The following KCNMA1 variants were observed in gnomAD, a reference collection of about 807,000 sequenced individuals.
The protein encoded by KCNMA1 is Calcium-activated potassium channel subunit alpha-1.
A neutral mutation model predicts 140.0 loss-of-function variants in KCNMA1; 29 were observed. The ratio of observed to expected loss-of-function variants is 0.21; its 90% CI spans 0.15 to 0.28. The LOEUF (loss-of-function observed/expected upper bound fraction) is 0.28, where lower values mean the gene tolerates loss of function less well. KCNMA1 is among the 10% of genes least tolerant of loss of function. KCNMA1 has a pLI of 1.00. For missense variants in KCNMA1, 880 were observed against 1,602.2 expected (o/e 0.55, Z 7.70); for synonymous variants, 612 against 611.9 (o/e 1.00, Z 0.00).
Position 77,027,938 on chromosome 10 carries a change from A to G in KCNMA1, c.1860-47T>C, listed in dbSNP as rs199712732. On this transcript the variant is annotated intron_variant, in intron 15 of 27. Coordinates refer to ENST00000286628, the MANE Select transcript of KCNMA1 (RefSeq NM_001161352.2). ...TCCCAATCAGTTCTTCTGAATGACC[A>G]GAGCCACATAACACACACTATTACG... 9 of 1,482,832 alleles carry G rather than the reference A, an allele frequency of 6.1e-6. No individual in the cohort carries two copies. In the South Asian group the frequency reaches 1.0e-4, roughly 17 times the overall value. 91.9% of individuals were successfully genotyped at this position (1,482,832 alleles called of 1,614,324 possible). A position where few individuals can be genotyped will look rare whatever the true frequency, so the allele number is the denominator to read the frequency against.
intron 3 of KCNMA1, among the ~76,000 whole-genome samples, 200 bp from the exon 4 acceptor site, chr10:77,185,116 C>T (rs2098838124): frequency 6.6e-6 from 1 of 152,086 alleles, no homozygotes; most frequent in African/African-American, 2.4e-5. Context: ...TCAGGAACTA[C>T]TGTTCTTTTA....
chr10:77,196,874 T>C (rs1240053717), intron 3 of KCNMA1, among the ~76,000 whole-genome samples: 1 of 152,160 alleles, frequency 6.6e-6, no homozygotes, highest in East Asian at 1.9e-4. Context: ...AGTATCTATT[T>C]GAAATGACAA....
chr10:77,568,736 G>A (rs1178312280), intron 1 of KCNMA1, among the ~76,000 whole-genome samples: 4 of 149,588 alleles, frequency 2.7e-5, no homozygotes, highest in African/African-American at 4.9e-5. Flanking sequence ...TCTGGCCAGG[G>A]CAATTAGGCA....
At chr10:77,155,319 G>A (rs994678047) in intron 5 of KCNMA1, among the ~76,000 whole-genome samples, 2 of 152,196 alleles carry the variant, frequency 1.3e-5, no homozygotes, top group African/African-American at 4.8e-5. Flanking sequence ...AGCAAACATT[G>A]ACAGTGAGTC....
intron 1 of KCNMA1, among the ~76,000 whole-genome samples, chr10:77,543,899 C>G (rs2060781676): frequency 6.6e-6 from 1 of 152,098 alleles, no homozygotes; most frequent in Non-Finnish European, 1.5e-5. Context: ...AAAATTGAAA[C>G]TAGGTATTAA....
At chr10:77,353,607 T>C (rs1015658116) in intron 2 of KCNMA1, among the ~76,000 whole-genome samples, 1 of 151,828 alleles carries the variant, frequency 6.6e-6, no homozygotes, top group African/African-American at 2.4e-5. Flanking sequence ...AATATATACA[T>C]ATATAATGCA....
chr10:77,470,827 T>C (rs1464626925), intron 1 of KCNMA1, among the ~76,000 whole-genome samples: 1 of 152,162 alleles, frequency 6.6e-6, no homozygotes, highest in East Asian at 1.9e-4. Flanking sequence ...GGCATTTGTT[T>C]TGTCCAAAAA....
chr10:77,370,454 G>A (rs1487323342), intron 2 of KCNMA1, among the ~76,000 whole-genome samples: 2 of 152,162 alleles, frequency 1.3e-5, no homozygotes, highest in Non-Finnish European at 2.9e-5. Flanking sequence ...TTGCAGGGCT[G>A]TCAAGTTCAT....
intron 5 of KCNMA1, among the ~76,000 whole-genome samples, chr10:77,171,296 A>G (rs2098703109): frequency 6.6e-6 from 1 of 152,142 alleles, no homozygotes; most frequent in African/African-American, 2.4e-5. Flanking sequence ...CCACTGGTCT[A>G]TCTAGAATAC....
chr10:77,241,327 A>G (rs76470580), intron 3 of KCNMA1, among the ~76,000 whole-genome samples: 3,802 of 152,294 alleles, frequency 0.025, 69 homozygotes, highest in Middle Eastern at 0.034. Context: ...GAAAATAAAT[A>G]TAATAATAAA....
intron 2 of KCNMA1, among the ~76,000 whole-genome samples, chr10:77,293,891 G>A (rs917361990): frequency 3.5e-4 from 53 of 152,350 alleles, no homozygotes; most frequent in Non-Finnish European, 6.8e-4. Context: ...AGAAATCTCT[G>A]CCGGGTTTCT....
intron 1 of KCNMA1, among the ~76,000 whole-genome samples, chr10:77,508,839 G>A (rs1003476382): frequency 8.6e-5 from 13 of 151,694 alleles, no homozygotes; most frequent in African/African-American, 2.7e-4. Context: ...ACCACCATTC[G>A]CTTTTTGTCT....
chr10:77,114,554 C>A (rs1254290339), intron 6 of KCNMA1, among the ~76,000 whole-genome samples: 2 of 152,230 alleles, frequency 1.3e-5, no homozygotes, highest in African/African-American at 4.8e-5. Context: ...GCCAGCTAAA[C>A]CTATTTACTA....
chr10:77,427,186 T>C (rs2097023787), intron 1 of KCNMA1, among the ~76,000 whole-genome samples: 1 of 152,182 alleles, frequency 6.6e-6, no homozygotes, highest in South Asian at 2.1e-4. Flanking sequence ...AGATGGTCAC[T>C]TATATATTCC....
At position 77,219,606 on chromosome 10, in the gene KCNMA1, T is replaced by C. The variant is rs148403625; in HGVS notation, c.602+31589A>G. On this transcript the variant is annotated intron_variant, in intron 3 of 27. Coordinates refer to ENST00000286628, the MANE Select transcript of KCNMA1 (RefSeq NM_001161352.2). ...CTCAGAAACCTCAAATGTCCTTTGTTGTTGTTGTTCGTTTTGTTTTGTTTT... is the reference window on the plus strand; with the variant it reads ...CTCAGAAACCTCAAATGTCCTTTGTCGTTGTTGTTCGTTTTGTTTTGTTTT... 3.3e-3 allele frequency among the ~76,000 whole-genome samples: 496 copies of C among 152,248 alleles called. 3 individuals are homozygous for C. The highest frequency in any genetic ancestry group is 0.011 in the African/African-American group (476 of 41,556).
intron 3 of KCNMA1, among the ~76,000 whole-genome samples, chr10:77,236,067 G>T (rs1483960154): frequency 4.6e-5 from 7 of 152,288 alleles, no homozygotes; most frequent in African/African-American, 1.7e-4. Flanking sequence ...CAGGGGAGCA[G>T]GGGACTGAGG....
At chr10:76,924,329 T>C (rs141846463) in intron 23 of KCNMA1, among the ~76,000 whole-genome samples, 2,630 of 152,310 alleles carry the variant, frequency 0.017, 77 homozygotes, top group African/African-American at 0.06. Flanking sequence ...CTGACATGTA[T>C]GATCCATTTT....
chr10:77,078,186 G>T (rs765695132), intron 13 of KCNMA1: 3 of 152,204 alleles, frequency 2.0e-5, no homozygotes, highest in Non-Finnish European at 4.4e-5. Context: ...CCCATAAGAG[G>T]GGGTACGCTG....
chr10:77,110,518 C>G (rs1368316640), intron 7 of KCNMA1, among the ~76,000 whole-genome samples, 175 bp from the exon 8 acceptor site: 4 of 152,170 alleles, frequency 2.6e-5, no homozygotes, highest in Non-Finnish European at 5.9e-5. Flanking sequence ...AGCTCCTGAG[C>G]AGGACACAGA....
Sources: gnomAD v4.1 joint callset for allele counts (sites outside exome capture counted in the v4.1 genomes callset) on GRCh38, gnomAD v4.1.1 for gene constraint, MANE v1.5 for transcripts, NCBI Gene and HGNC (gene_info 2026-07-23, HGNC 2026-07-21) for gene names.